Variants in CDC73 observed in about 807,000 individuals in gnomAD.
The protein encoded by CDC73 is parafibromin.
A neutral mutation model predicts 83.7 loss-of-function variants in CDC73; 21 were observed. The observed-to-expected ratio is 0.25, with a 90% CI of 0.18 to 0.36. The LOEUF is 0.36. Ranked by LOEUF, CDC73 falls within the 10% of genes least tolerant of loss-of-function variation. The pLI is 1.00. For missense variants in CDC73, 342 were observed against 653.3 expected (o/e 0.52, Z 5.19); for synonymous variants, 224 against 212.9 (o/e 1.05, Z -0.45).
chr1:193,225,178 C>T (rs1243336382), intron 13 of CDC73, among the ~76,000 whole-genome samples: 4 of 151,730 alleles, frequency 2.6e-5, no homozygotes. Context: ...CTGATAGTCT[C>T]CAGTTCCATC....
intron 15 of CDC73, among the ~76,000 whole-genome samples, chr1:193,240,946 C>T (rs1677846377): frequency 1.3e-5 from 2 of 152,148 alleles, no homozygotes; most frequent in Non-Finnish European, 1.5e-5. Context: ...TCTGTGTTCT[C>T]TTGTATTCCA....
chr1:193,171,519 G>A (rs1676518098), intron 10 of CDC73, among the ~76,000 whole-genome samples: 3 of 152,152 alleles, frequency 2.0e-5, no homozygotes, highest in Non-Finnish European at 4.4e-5. Context: ...TGTAAACTGA[G>A]GGCTAGTTCA....
intron 10 of CDC73, among the ~76,000 whole-genome samples, chr1:193,183,823 C>T (rs930480090): frequency 1.3e-5 from 2 of 151,680 alleles, no homozygotes; most frequent in African/African-American, 4.8e-5. Flanking sequence ...TATGATAATA[C>T]TTGGAATCTG....
chr1:193,192,231 T>C (rs960083407), intron 10 of CDC73, among the ~76,000 whole-genome samples: 1 of 152,124 alleles, frequency 6.6e-6, no homozygotes, highest in African/African-American at 2.4e-5. Flanking sequence ...TCACCTGAGA[T>C]TGTGAGTTCA....
chr1:193,231,573 G>A (rs1677663384), intron 13 of CDC73, among the ~76,000 whole-genome samples: 1 of 152,046 alleles, frequency 6.6e-6, no homozygotes, highest in African/African-American at 2.4e-5. Flanking sequence ...TTCTAAGTGA[G>A]CTTGATTAAT....
chr1:193,134,118 C>T (rs964834366), intron 3 of CDC73, among the ~76,000 whole-genome samples: 3 of 151,828 alleles, frequency 2.0e-5, no homozygotes, highest in African/African-American at 7.3e-5. Flanking sequence ...AGGTATATTT[C>T]GTTTAGCTTT....
chr1:193,178,958 AT>A (rs1046303954), intron 10 of CDC73: 14 of 152,156 alleles, frequency 9.2e-5, no homozygotes, highest in African/African-American at 3.4e-4. Context: ...TAAAAACACT[AT>A]TTTAGTTAGT....
intron 15 of CDC73, among the ~76,000 whole-genome samples, chr1:193,239,866 C>T (rs1677827245): frequency 6.6e-6 from 1 of 152,126 alleles, no homozygotes; most frequent in Non-Finnish European, 1.5e-5. Flanking sequence ...TTCACCATGG[C>T]ATATGTTTAA....
In CDC73 at chr1:193,144,512, G is replaced by T. The variant is rs560535725; in HGVS notation, c.729+2446G>T. Among the ~76,000 whole-genome samples, 124 of 152,098 alleles carry T rather than the reference G, an allele frequency of 8.2e-4. 2 individuals carry two copies. The highest frequency in any genetic ancestry group is 1.5e-3 in the Non-Finnish European group (101 of 68,020). The stretch of plus-strand genomic sequence containing the variant: ...CATTGTATTGACCTTTGCAGTGATG[G>T]TACACAATCAATGGTTGGTAAAACT... On this transcript the variant is annotated intron_variant, in intron 7 of 16. Transcript: ENST00000367435.
chr1:193,196,770 A>G (rs911570587), intron 10 of CDC73, among the ~76,000 whole-genome samples: 2 of 152,188 alleles, frequency 1.3e-5, no homozygotes, highest in Admixed American at 6.5e-5. Context: ...GTGTATAGAA[A>G]CACAACTAAT....
intron 13 of CDC73, among the ~76,000 whole-genome samples, chr1:193,220,128 C>T (rs1677440594): frequency 7.0e-6 from 1 of 142,276 alleles, no homozygotes; most frequent in Non-Finnish European, 1.5e-5. Context: ...AATGCTCTGG[C>T]TTCTTTCTCA....
In CDC73 at chr1:193,188,435, A is replaced by C. The variant is rs557183543; in HGVS notation, c.973-15360A>C. Among the ~76,000 whole-genome samples, 2 of 152,136 alleles carry C rather than the reference A, an allele frequency of 1.3e-5. 1 individual carries two copies. The highest frequency in any genetic ancestry group is 4.8e-5 in the African/African-American group (2 of 41,550). Reference sequence around the variant, plus strand: ...TTTTATTACATGGCACTGCTAGAGAAATTGTGGGATTTTTTTTTTTTCTGA... The same window carrying C: ...TTTTATTACATGGCACTGCTAGAGACATTGTGGGATTTTTTTTTTTTCTGA... On this transcript the variant is annotated intron_variant, in intron 10 of 16. Coordinates refer to ENST00000367435, the MANE Select transcript of CDC73 (RefSeq NM_024529.5).
intron 10 of CDC73, among the ~76,000 whole-genome samples, chr1:193,168,356 G>A (rs1043680830): frequency 6.6e-6 from 1 of 152,090 alleles, no homozygotes; most frequent in Non-Finnish European, 1.5e-5. Context: ...TAGGCCCTGG[G>A]GATATAAATA....
In CDC73 at chr1:193,234,281, A is replaced by ATTTAT. The variant is rs377222949; in HGVS notation, c.1316+1128_1316+1129insTTATT. Among the ~76,000 whole-genome samples, 207 of 21,970 alleles carry ATTTAT rather than the reference A, an allele frequency of 9.4e-3. 1 individual carries two copies. The highest frequency in any genetic ancestry group is 0.056 in the Middle Eastern group (2 of 36). 14.4% of individuals were successfully genotyped at this position (21,970 alleles called of 152,430 possible). The stretch of plus-strand genomic sequence containing the variant: ...ATATAATTTAATTATAATATATATA[A>ATTTAT]TATACATATTATATATATAATATAA... On this transcript the variant is annotated intron_variant, in intron 14 of 16. Transcript: ENST00000367435.
At chr1:193,134,027 CT>C (rs1288197476) in intron 3 of CDC73, among the ~76,000 whole-genome samples, 1 of 151,868 alleles carries the variant, frequency 6.6e-6, no homozygotes, top group Non-Finnish European at 1.5e-5. Flanking sequence ...CAGTGCACCC[CT>C]ACACCCCCAT....
chr1:193,122,086 G>T lies in CDC73; in HGVS notation c.-115G>T. 1.0e-6 allele frequency: 1 copy of T among 982,320 alleles called. No individual in the cohort carries two copies. Among genetic ancestry groups the T allele is most frequent in the Non-Finnish European group, 1.6e-6 (1 of 629,656 alleles). The allele number at this position is 982,320 out of a possible 1,614,324, so 60.9% of individuals were successfully genotyped here. ...GACGGCTGTTAGTGCTGCTGCTGTT[G>T]GTTCGTCGCGGCGGCGAAGGAGGAG... On this transcript the variant is annotated 5_prime_UTR_variant, in exon 1 of 17. Transcript: ENST00000367435.
At chr1:193,197,750 AC>A (rs1280725407) in intron 10 of CDC73, among the ~76,000 whole-genome samples, 2 of 151,836 alleles carry the variant, frequency 1.3e-5, no homozygotes, top group Non-Finnish European at 2.9e-5. Flanking sequence ...ACATGGTGAA[AC>A]CCCGTCTCTA....
intron 10 of CDC73, among the ~76,000 whole-genome samples, chr1:193,193,675 T>C (rs188092101): frequency 1.3e-5 from 2 of 152,298 alleles, no homozygotes; most frequent in East Asian, 3.9e-4. Context: ...TTCACTGATT[T>C]TCTCTCACCT....
chr1:193,202,697 T>C (rs1677113824), intron 10 of CDC73, among the ~76,000 whole-genome samples: 1 of 151,652 alleles, frequency 6.6e-6, no homozygotes, highest in Non-Finnish European at 1.5e-5. Flanking sequence ...AAGAATGGTT[T>C]CTGTGATGTT....
Sources: gnomAD v4.1 joint callset for allele counts (sites outside exome capture counted in the v4.1 genomes callset) on GRCh38, gnomAD v4.1.1 for gene constraint, MANE v1.5 for transcripts, NCBI Gene and HGNC (gene_info 2026-07-23, HGNC 2026-07-21) for gene names.